HIGD2B: variants seen among roughly 807,000 people sequenced by gnomAD.
HIGD2B encodes the protein HIG1 hypoxia inducible domain family member 2B.
For synonymous variants in HIGD2B, 45 were observed against 28.1 expected (o/e 1.60, Z -1.90); for missense variants, 106 against 67.0 (o/e 1.58, Z -2.03).
At chr15:72,683,507 C>T (rs568086784) in intron 1 of HIGD2B, among the ~76,000 whole-genome samples, 3 of 150,668 alleles carry the variant, frequency 2.0e-5, no homozygotes, top group Non-Finnish European at 2.9e-5. Flanking sequence ...GTAGTAACCC[C>T]GCCCATGAAG....
chr15:72,677,024 A>T (rs1468722341), intron 2 of HIGD2B, among the ~76,000 whole-genome samples: 1 of 152,236 alleles, frequency 6.6e-6, no homozygotes, highest in African/African-American at 2.4e-5. Context: ...TGGCTGTGAT[A>T]TTACACAATA....
intron 1 of HIGD2B, chr15:72,682,946 C>T (rs982052081): frequency 4.0e-5 from 7 of 173,858 alleles, no homozygotes; most frequent in Non-Finnish European, 8.6e-5. Context: ...CGCTATTCAC[C>T]GCTGACCAAG....
At chr15:72,684,314 G>T (rs1462416412) in intron 1 of HIGD2B, among the ~76,000 whole-genome samples, 1 of 152,172 alleles carries the variant, frequency 6.6e-6, no homozygotes, top group African/African-American at 2.4e-5. Context: ...ATGAAGTAAA[G>T]TTACAAAGAC....
rs7178130 is a variant in HIGD2B at position 72,685,861 on chromosome 15, G to A, written c.-236C>T. On this transcript the variant is annotated 5_prime_UTR_variant, in exon 1 of 3. Transcript: ENST00000311755. ...TCTCCGCCGAAATCTCCCGGAAGAA[G>A]GACTGAATTAAATGCAGATTAGAGT... 0.56 allele frequency: 209,118 copies of A among 371,740 alleles called. 62,861 individuals carry two copies. The highest frequency in any genetic ancestry group is 0.66 in the Middle Eastern group (782 of 1,186). The allele number at this position is 371,740 out of a possible 1,614,324, so 23.0% of individuals were successfully genotyped here.
At chr15:72,684,470 T>C (rs1466809664) in intron 1 of HIGD2B, among the ~76,000 whole-genome samples, 2 of 152,052 alleles carry the variant, frequency 1.3e-5, no homozygotes, top group African/African-American at 2.4e-5. Context: ...TGGACATCAA[T>C]AGTGAGACCC....
At chr15:72,684,124 C>T (rs947672031) in intron 1 of HIGD2B, among the ~76,000 whole-genome samples, 1 of 151,902 alleles carries the variant, frequency 6.6e-6, no homozygotes, top group Non-Finnish European at 1.5e-5. Flanking sequence ...AAGAATTGGA[C>T]AAAATGCACA....
chr15:72,682,324 C>A, intron 1 of HIGD2B: 1 of 224,732 alleles, frequency 4.4e-6, no homozygotes, highest in South Asian at 7.8e-5. Context: ...AAAAATCCCC[C>A]AGAAAAGATG....
chr15:72,684,529 C>T lies in HIGD2B; in HGVS notation c.-193+1289G>A, dbSNP rs545507640. On this transcript the variant is annotated intron_variant, in intron 1 of 2. Transcript: ENST00000311755. Reference sequence around the variant, plus strand: ...TGAGACAGAGTTTTGCTCTTGTTGCCCAGGCTGGAGTGCAATGGGATGATC... The same window carrying T: ...TGAGACAGAGTTTTGCTCTTGTTGCTCAGGCTGGAGTGCAATGGGATGATC... 2.6e-5 allele frequency among the ~76,000 whole-genome samples: 4 copies of T among 152,264 alleles called. No homozygotes were observed. The East Asian group carries it at 7.7e-4, about 29-fold the overall frequency.
At chr15:72,681,449 A>G (rs1323845439) in intron 1 of HIGD2B, among the ~76,000 whole-genome samples, 5 of 152,202 alleles carry the variant, frequency 3.3e-5, no homozygotes. Flanking sequence ...CTTAGGTTTT[A>G]TGATATTTGT....
At chr15:72,680,518 T>A (rs1270777481) in intron 1 of HIGD2B, among the ~76,000 whole-genome samples, 2 of 152,100 alleles carry the variant, frequency 1.3e-5, no homozygotes, top group Non-Finnish European at 2.9e-5. Flanking sequence ...TATTTACCAA[T>A]CAATAAATAT....
chr15:72,682,131 T>C (rs2064756587), intron 1 of HIGD2B: 2 of 152,224 alleles, frequency 1.3e-5, no homozygotes, highest in Non-Finnish European at 2.9e-5. Context: ...TCTTGATTGC[T>C]TCCTTAGCAT....
intron 2 of HIGD2B, among the ~76,000 whole-genome samples, chr15:72,678,037 A>G (rs992419941): frequency 4.6e-5 from 7 of 152,164 alleles, no homozygotes; most frequent in African/African-American, 1.7e-4. Context: ...CTTTGCTAAA[A>G]GACTCTATCC....
intron 2 of HIGD2B, among the ~76,000 whole-genome samples, chr15:72,679,291 G>A (rs1488997828): frequency 2.6e-5 from 4 of 151,418 alleles, no homozygotes; most frequent in Non-Finnish European, 4.4e-5. Flanking sequence ...CTTGAACCAA[G>A]GAGGCAGAGG....
rs1050043153 is a variant in HIGD2B, at chr15:72,681,528, T to C, written c.-192-1335A>G. ...ACATATAAGCTAAATAAATGTGAACTTTTTTCTCCAAGCAAAACATTCTCC... is the reference window on the plus strand; with the variant it reads ...ACATATAAGCTAAATAAATGTGAACCTTTTTCTCCAAGCAAAACATTCTCC... On this transcript the variant is annotated intron_variant, in intron 1 of 2. Coordinates refer to ENST00000311755, the MANE Select transcript of HIGD2B (RefSeq NM_001350932.3). Among the ~76,000 whole-genome samples the C allele has an allele frequency of 3.9e-4, 60 of 152,180 alleles. 1 individual carries two copies. Among genetic ancestry groups the C allele is most frequent in the Non-Finnish European group, 7.3e-5 (5 of 68,032 alleles).
intron 1 of HIGD2B, 66 bp downstream of exon 1, chr15:72,685,752 G>A (rs1355205930): frequency 4.5e-6 from 1 of 220,842 alleles, no homozygotes; most frequent in African/African-American, 2.3e-5. Flanking sequence ...GTAAACAAGA[G>A]TGGGAAGCTG....
At position 72,680,094 on chromosome 15, in the gene HIGD2B, G is replaced by T; in HGVS notation, c.-93C>A. Reference sequence around the variant, plus strand: ...TCATAGATTCCCTGCTTTTGCCTGGGCAAAATAGTCCATCAACCAAAGTTT... The same window carrying T: ...TCATAGATTCCCTGCTTTTGCCTGGTCAAAATAGTCCATCAACCAAAGTTT... On this transcript the variant is annotated 5_prime_UTR_variant, in exon 2 of 3. Transcript: ENST00000311755. The T allele has an allele frequency of 2.9e-6, 1 of 350,578 alleles. No individual in the cohort carries two copies. The highest frequency in any genetic ancestry group is 4.6e-6 in the Non-Finnish European group (1 of 215,788). The allele number at this position is 350,578 out of a possible 1,614,324, so 21.7% of individuals were successfully genotyped here.
At position 72,676,151 on chromosome 15, in the gene HIGD2B, G is replaced by A. The variant is rs1331577480; in HGVS notation, c.224C>T (p.Ser75Leu). 1.3e-6 allele frequency: 1 copy of A among 764,276 alleles called. No homozygotes were observed. The highest frequency in any genetic ancestry group is 2.4e-6 in the Non-Finnish European group (1 of 416,394). 47.3% of individuals were successfully genotyped at this position (764,276 alleles called of 1,614,324 possible). A position where few individuals can be genotyped will look rare whatever the true frequency, so the allele number is the denominator to read the frequency against. The change falls in exon 3 of 3, where the codon TCA becomes TTA. Residue 75 changes from serine to leucine, a missense_variant. Transcript: ENST00000311755. ...YCFHQGNSQC[S>L]RLMMHTQIAA... Reference sequence around the variant, plus strand: ...GATCTGGGTGTGCATCATAAGCCGTGAACATTGGCTGTTGCCCTGGTGGAA... The same window carrying A: ...GATCTGGGTGTGCATCATAAGCCGTAAACATTGGCTGTTGCCCTGGTGGAA...
intron 1 of HIGD2B, among the ~76,000 whole-genome samples, chr15:72,680,758 G>A (rs1416741909): frequency 1.3e-5 from 2 of 152,206 alleles, no homozygotes; most frequent in African/African-American, 4.8e-5. Flanking sequence ...CGTGGTGGCA[G>A]ATGCCTGTAA....
chr15:72,679,561 C>T (rs1210583830), intron 2 of HIGD2B, among the ~76,000 whole-genome samples: 1 of 152,010 alleles, frequency 6.6e-6, no homozygotes, highest in Non-Finnish European at 1.5e-5. Context: ...TCCTAAGAGG[C>T]AACTCTTCTC....
Sources: gnomAD v4.1 joint callset for allele counts (sites outside exome capture counted in the v4.1 genomes callset) on GRCh38, gnomAD v4.1.1 for gene constraint, MANE v1.5 for transcripts, NCBI Gene and HGNC (gene_info 2026-07-23, HGNC 2026-07-21) for gene names.